Variants in RYR2 observed in about 807,000 individuals in gnomAD.
The protein encoded by RYR2 is cardiac muscle ryanodine receptor-calcium release channel.
In RYR2, 227 loss-of-function variants were observed where a neutral mutation model predicts 601.1. The observed-to-expected ratio is 0.38, with a 90% CI of 0.34 to 0.42. The LOEUF (loss-of-function observed/expected upper bound fraction) is 0.42, where lower values mean the gene tolerates loss of function less well. Among genes scored for constraint, RYR2 ranks in the 10% least tolerant of loss-of-function variants. The probability of loss-of-function intolerance (pLI) is 1.00; values close to 1 mark genes in which losing one functional copy is unlikely to be tolerated. For synonymous variants in RYR2, 2,223 were observed against 2,175.1 expected, an observed-to-expected ratio of 1.02 and a Z score of -0.61; for missense variants, 4,646 against 6,156.5, an observed-to-expected ratio of 0.75 and a Z score of 8.21.
rs767346230 is a variant in RYR2 at position 237,757,744 on chromosome 1, A to C, written c.11293A>C (p.Ile3765Leu). 6.2e-7 allele frequency: 1 copy of C among 1,611,946 alleles called. No individual in the cohort carries two copies. The highest frequency in any genetic ancestry group is 1.7e-5 in the Admixed American group (1 of 59,994). ...VAATLKLGIA[I>L]LNGGNSTVQQ... ...AGCTACTCTGAAACTTGGAATTGCT[A>C]TTTTAAATGGTGGGAACTCCACAGT... is the stretch of plus-strand genomic sequence containing the variant. Residue 3765 changes from isoleucine to leucine, a missense_variant, in exon 82 of 105, where the codon ATT becomes CTT. By Grantham distance (5) the Ile-to-Leu change is conservative. Around this residue, in one of 17 missense-constraint regions of RYR2, gnomAD observed 1,497 missense variants for 1,842.6 expected, o/e 0.81. Coordinates refer to ENST00000366574, the MANE Select transcript of RYR2 (RefSeq NM_001035.3).
intron 10 of RYR2, among the ~76,000 whole-genome samples, chr1:237,399,586 G>A (rs1703159801): frequency 6.6e-6 from 1 of 152,168 alleles, no homozygotes; most frequent in Non-Finnish European, 1.5e-5. Context: ...GCAGAAGGGT[G>A]TCACTCACAT....
In RYR2 at chr1:237,698,957, C is replaced by T; in HGVS notation, c.9068-8C>T. 6.6e-7 allele frequency: 1 copy of T among 1,526,024 alleles called. No homozygotes were observed. The highest frequency in any genetic ancestry group is 8.9e-7 in the Non-Finnish European group (1 of 1,124,030). 94.5% of individuals were successfully genotyped at this position (1,526,024 alleles called of 1,614,324 possible). ...GGCAATTTATACAGCATTTTGTTTC[C>T]TCTTTAGGCAATGATGCAACATCAA... On this transcript the variant is annotated splice_polypyrimidine_tract_variant and splice_region_variant and intron_variant, in intron 63 of 104. Coordinates refer to ENST00000366574, the MANE Select transcript of RYR2 (RefSeq NM_001035.3).
intron 88 of RYR2, among the ~76,000 whole-genome samples, chr1:237,780,523 A>G (rs1695014136): frequency 6.6e-6 from 1 of 152,224 alleles, no homozygotes; most frequent in Non-Finnish European, 1.5e-5. Context: ...TTTTTTAAAG[A>G]ATAGTTTAAA....
At chr1:237,693,802 A>C (rs1687154991) in intron 63 of RYR2, among the ~76,000 whole-genome samples, 1 of 152,246 alleles carries the variant, frequency 6.6e-6, no homozygotes, top group Non-Finnish European at 1.5e-5. Flanking sequence ...GGAGCCTATC[A>C]ACTCTTATTT....
In RYR2 at chr1:237,643,463, A is replaced by G. The variant is rs76678214; in HGVS notation, c.7342+16A>G. On this transcript the variant is annotated intron_variant, in intron 48 of 104. Coordinates refer to ENST00000366574, the MANE Select transcript of RYR2 (RefSeq NM_001035.3). ...ATAGCCAAAGGTAAGGCCAACTTCAATTTGTCCTAATTCAGTAGGATGTTG... is the reference window on the plus strand; with the variant it reads ...ATAGCCAAAGGTAAGGCCAACTTCAGTTTGTCCTAATTCAGTAGGATGTTG... The G allele has an allele frequency of 2.5e-3, 3,956 of 1,613,728 alleles. 59 individuals carry two copies. The highest frequency in any genetic ancestry group is 0.022 in the African/African-American group (1,621 of 75,012).
At chr1:237,754,865 A>G (rs1213551573) in intron 80 of RYR2, among the ~76,000 whole-genome samples, 2 of 152,320 alleles carry the variant, frequency 1.3e-5, no homozygotes, top group East Asian at 1.9e-4. Context: ...TTTTGACTTC[A>G]CAGGAAGAGG....
chr1:237,193,717 G>A (rs557674030), intron 1 of RYR2, among the ~76,000 whole-genome samples: 1 of 152,162 alleles, frequency 6.6e-6, no homozygotes, highest in African/African-American at 2.4e-5. Flanking sequence ...CAAAAACTCT[G>A]GAAACGAGTT....
intron 50 of RYR2, 23 bp downstream of exon 50, chr1:237,650,120 T>C: frequency 6.3e-7 from 1 of 1,584,306 alleles, no homozygotes; most frequent in East Asian, 2.2e-5. Flanking sequence ...CAAATTCTAT[T>C]CCGGCTTCTT....
At chr1:237,245,598 G>C (rs1190624029) in intron 1 of RYR2, among the ~76,000 whole-genome samples, 3 of 152,122 alleles carry the variant, frequency 2.0e-5, no homozygotes, top group Non-Finnish European at 2.9e-5. Context: ...CGTGTATCAA[G>C]GTGGAAGGAA....
chr1:237,220,763 C>A (rs1553349094), intron 1 of RYR2, among the ~76,000 whole-genome samples: 1 of 152,086 alleles, frequency 6.6e-6, no homozygotes, highest in African/African-American at 2.4e-5. Flanking sequence ...TGGGAGAAAA[C>A]CCCTCAGAAT....
rs192318574 is a variant in RYR2 at position 237,721,444 on chromosome 1, G to A, written c.10555-1684G>A. On this transcript the variant is annotated intron_variant, in intron 73 of 104. Coordinates refer to ENST00000366574, the MANE Select transcript of RYR2 (RefSeq NM_001035.3). ...TTTTAGATGTCATCTATTTATTTCT[G>A]CTTCATAACATTCAGTCTCCCATTT... is the stretch of plus-strand genomic sequence containing the variant. 1.6e-3 allele frequency among the ~76,000 whole-genome samples: 236 copies of A among 152,240 alleles called. 1 individual carries two copies. The highest frequency in any genetic ancestry group is 5.4e-3 in the African/African-American group (225 of 41,546).
chr1:237,161,488 G>A (rs1676011493), intron 1 of RYR2, among the ~76,000 whole-genome samples: 1 of 148,256 alleles, frequency 6.7e-6, no homozygotes, highest in Non-Finnish European at 1.5e-5. Flanking sequence ...ATAAAAAATT[G>A]TCTCTAAGAA....
At chr1:237,150,277 G>A (rs1222627578) in intron 1 of RYR2, among the ~76,000 whole-genome samples, 1 of 152,190 alleles carries the variant, frequency 6.6e-6, no homozygotes, top group Non-Finnish European at 1.5e-5. Flanking sequence ...TTCTGTAACA[G>A]CTGCTTCTTG....
chr1:237,249,503 T>C (rs1035110705), intron 1 of RYR2, among the ~76,000 whole-genome samples: 1 of 152,254 alleles, frequency 6.6e-6, no homozygotes, highest in African/African-American at 2.4e-5. Flanking sequence ...TTACTTACTT[T>C]GATCTTTATG....
At chr1:237,066,066 G>A (rs1663572246) in intron 1 of RYR2, among the ~76,000 whole-genome samples, 1 of 152,218 alleles carries the variant, frequency 6.6e-6, no homozygotes, top group Non-Finnish European at 1.5e-5. Flanking sequence ...TGGGGGCACA[G>A]ATCCAACCAT....
At chr1:237,661,841 T>A (rs2148850915) in intron 56 of RYR2, among the ~76,000 whole-genome samples, 1 of 152,116 alleles carries the variant, frequency 6.6e-6, no homozygotes, top group Non-Finnish European at 1.5e-5. Context: ...GTGGCAAGAG[T>A]AAGGCACAGC....
At chr1:237,046,144 A>G (rs1660575329) in intron 1 of RYR2, among the ~76,000 whole-genome samples, 3 of 152,076 alleles carry the variant, frequency 2.0e-5, no homozygotes, top group Admixed American at 2.0e-4. Flanking sequence ...CTTTAAATAT[A>G]CTCATCTACA....
intron 37 of RYR2, among the ~76,000 whole-genome samples, chr1:237,616,900 T>C (rs489872): frequency 0.92 from 139,988 of 152,170 alleles, 64,512 homozygotes; most frequent in African/African-American, 0.97. Flanking sequence ...CAGGGGAACT[T>C]CCATTTATAA....
At chr1:237,601,568 T>C (rs1676507868) in intron 34 of RYR2, among the ~76,000 whole-genome samples, 1 of 152,130 alleles carries the variant, frequency 6.6e-6, no homozygotes, top group East Asian at 1.9e-4. Flanking sequence ...TATCTCAAAA[T>C]AGCTAGAAGA....
Sources: allele counts gnomAD v4.1 joint callset (sites outside exome capture counted in the v4.1 genomes callset), GRCh38; gene constraint gnomAD v4.1.1; regional missense constraint gnomAD v4.1.1; transcripts MANE v1.5; gene names NCBI Gene and HGNC (gene_info 2026-07-23, HGNC 2026-07-21).